Variants in SGSM3 observed in about 807,000 individuals in gnomAD.
The protein encoded by SGSM3 is small G protein signaling modulator 3.
SGSM3 carries 96 observed loss-of-function variants against 100.5 expected under a neutral mutation model. That is an observed-to-expected ratio of 0.96 (90% CI 0.81 to 1.13). The LOEUF (loss-of-function observed/expected upper bound fraction) is 1.13, where lower values mean the gene tolerates loss of function less well. Among genes scored for constraint, SGSM3 ranks in the 50% most tolerant of loss-of-function variants. The probability of loss-of-function intolerance (pLI) is 0.00; values close to 1 mark genes in which losing one functional copy is unlikely to be tolerated. For synonymous variants in SGSM3, 483 were observed against 422.8 expected (o/e 1.14, Z -1.75); for missense variants, 1,001 against 1,015.8 (o/e 0.99, Z 0.20).
intron 1 of SGSM3, among the ~76,000 whole-genome samples, chr22:40,386,630 C>T (rs2048509111): frequency 7.0e-6 from 1 of 141,996 alleles, no homozygotes. Context: ...CTATGTTGCC[C>T]AGGCTGGTCT....
chr22:40,373,790 A>G (rs1314187800), intron 1 of SGSM3, among the ~76,000 whole-genome samples: 3 of 150,374 alleles, frequency 2.0e-5, no homozygotes, highest in Non-Finnish European at 3.0e-5. Context: ...TAATTTTTGT[A>G]TTTTTAGTAG....
rs755106457 is a variant in SGSM3, at chr22:40,407,095, C to A, written c.1240+24C>A. On this transcript the variant is annotated intron_variant, in intron 11 of 21. Coordinates refer to ENST00000248929, the MANE Select transcript of SGSM3 (RefSeq NM_015705.6). The surrounding 1 kb of genome is among the most constrained non-coding windows in gnomAD (Gnocchi z 4.7). ...CGGTGAGAGCTCTGCGAGTGCCAGG[C>A]AGTGTGGGCATGCGGGAGTCTGTCC... is the stretch of plus-strand genomic sequence containing the variant. 7 of 1,603,990 alleles carry A rather than the reference C, an allele frequency of 4.4e-6. No individual in the cohort carries two copies. Among genetic ancestry groups the A allele is most frequent in the Non-Finnish European group, 6.0e-6 (7 of 1,175,528 alleles).
intron 1 of SGSM3, among the ~76,000 whole-genome samples, chr22:40,399,533 G>T (rs73885701): frequency 0.011 from 1,735 of 152,304 alleles, 30 homozygotes; most frequent in African/African-American, 0.04. Context: ...GAAACTATCA[G>T]TCTCTCCTAG....
chr22:40,400,749 G>A lies in SGSM3; in HGVS notation c.-58G>A. 6.5e-7 allele frequency: 1 copy of A among 1,543,994 alleles called. No homozygotes were observed. The highest frequency in any genetic ancestry group is 8.8e-7 in the Non-Finnish European group (1 of 1,140,182). On this transcript the variant is annotated 5_prime_UTR_variant, in exon 2 of 22. Coordinates refer to ENST00000248929, the MANE Select transcript of SGSM3 (RefSeq NM_015705.6). Reference sequence around the variant, plus strand: ...TGAGGAGCCTTCCAGCTCTAAGATAGCAGGATAGGAGACTTCTAAGATTGG... The same window carrying A: ...TGAGGAGCCTTCCAGCTCTAAGATAACAGGATAGGAGACTTCTAAGATTGG...
chr22:40,408,039 G>A, intron 14 of SGSM3, 32 bp from the exon 15 acceptor site: 2 of 1,610,180 alleles, frequency 1.2e-6, no homozygotes, highest in Non-Finnish European at 1.7e-6. Context: ...GGCCCTCGTG[G>A]TTGCTCCTTA....
rs760574341 is a variant in SGSM3, at chr22:40,408,644, CGA to C, written c.1807_1808del (p.Asp603LeufsTer12). On this transcript the variant is annotated frameshift_variant, in exon 17 of 22. Coordinates refer to ENST00000248929, the MANE Select transcript of SGSM3 (RefSeq NM_015705.6). LOFTEE classifies it high-confidence loss of function. The stretch of plus-strand genomic sequence containing the variant: ...CCCCACAGGCTGCAGGCCGGGAGGT[CGA>C]GAGAGACTTTGCCTCCGTGTATTCC... ...FIEEAAGREV[E>X]RDFASVYSRL... 5.0e-6 allele frequency: 8 copies of C among 1,613,974 alleles called. No homozygotes were observed. Among genetic ancestry groups the C allele is most frequent in the East Asian group, 2.2e-5 (1 of 44,874 alleles).
intron 5 of SGSM3, 33 bp from the exon 6 acceptor site, chr22:40,404,524 A>G: frequency 6.2e-7 from 1 of 1,611,476 alleles, no homozygotes; most frequent in East Asian, 2.2e-5. Flanking sequence ...GTCACGAGAA[A>G]GACTGAGTGC....
At chr22:40,391,060 A>G (rs1047625591) in intron 1 of SGSM3, among the ~76,000 whole-genome samples, 1 of 152,184 alleles carries the variant, frequency 6.6e-6, no homozygotes, top group Non-Finnish European at 1.5e-5. Flanking sequence ...GGTAGGGGAC[A>G]TGGAAGTTGG....
intron 10 of SGSM3, 84 bp downstream of exon 10, chr22:40,406,746 G>T: frequency 8.2e-7 from 1 of 1,218,848 alleles, no homozygotes. Context: ...CGGGGGCTGC[G>T]GAAAACAAAC....
In SGSM3 at chr22:40,409,517, AAG is replaced by A. The variant is rs1184784279; in HGVS notation, c.2171_2172del (p.Glu724GlyfsTer39). On this transcript the variant is annotated frameshift_variant, in exon 21 of 22. Transcript: ENST00000248929. LOFTEE classifies it high-confidence loss of function. ...CTCCCAGGACTGGGAGCTCCCTGCG[AAG>A]AGAGAGGTGGGTGGTGTGGGCCTCG... ...SLSQDWELPAKREAQQPLKEG... is the reference protein window; with the variant it reads ...SLSQDWELPAXREAQQPLKEG... The A allele has an allele frequency of 1.3e-6, 2 of 1,598,482 alleles. No individual in the cohort carries two copies. Among genetic ancestry groups the A allele is most frequent in the East Asian group, 2.2e-5 (1 of 44,622 alleles).
chr22:40,396,065 A>AT (rs549229528), intron 1 of SGSM3, among the ~76,000 whole-genome samples: 4 of 151,906 alleles, frequency 2.6e-5, no homozygotes, highest in Non-Finnish European at 4.4e-5. Flanking sequence ...GTATTCATAT[A>AT]TTTTTTCCTT....
At chr22:40,389,651 T>C (rs1271226420) in intron 1 of SGSM3, among the ~76,000 whole-genome samples, 1 of 145,186 alleles carries the variant, frequency 6.9e-6, no homozygotes, top group Non-Finnish European at 1.5e-5. Context: ...CTCACGCCTG[T>C]AATCCCAGCA....
Position 40,409,856 on chromosome 22 carries a change from G to GGGGCCGC in SGSM3, c.*101_*107dup. On this transcript the variant is annotated 3_prime_UTR_variant, in exon 22 of 22. Transcript: ENST00000248929. ...GAAGAGCAGCTCCAGAGCCCTGGCC[G>GGGGCCGC]GGGCCGCGGGATATCAATATCAGGC... is the stretch of plus-strand genomic sequence containing the variant. 2 of 1,486,960 alleles carry GGGGCCGC rather than the reference G, an allele frequency of 1.3e-6. No homozygotes were observed. The highest frequency in any genetic ancestry group is 1.8e-6 in the Non-Finnish European group (2 of 1,125,096). 92.1% of individuals were successfully genotyped at this position (1,486,960 alleles called of 1,614,324 possible).
At chr22:40,392,444 T>C (rs1178426753) in intron 1 of SGSM3, among the ~76,000 whole-genome samples, 1 of 152,134 alleles carries the variant, frequency 6.6e-6, no homozygotes, top group East Asian at 1.9e-4. Context: ...GATAAGCTAT[T>C]TCTAATTGTT....
chr22:40,370,973 C>T (rs529197742), intron 1 of SGSM3, among the ~76,000 whole-genome samples: 1 of 152,352 alleles, frequency 6.6e-6, no homozygotes, highest in South Asian at 2.1e-4. Context: ...GGGGCGCCAG[C>T]CGGAATCCAC....
At chr22:40,374,710 C>T (rs988184631) in intron 1 of SGSM3, among the ~76,000 whole-genome samples, 1 of 152,182 alleles carries the variant, frequency 6.6e-6, no homozygotes, top group African/African-American at 2.4e-5. Context: ...GGCGAAATGC[C>T]ATCTCGACCA....
intron 1 of SGSM3, chr22:40,376,356 A>G (rs566658086): frequency 1.3e-5 from 2 of 151,934 alleles, no homozygotes; most frequent in East Asian, 3.9e-4. Flanking sequence ...TGGCATGATC[A>G]TAGCTCACTG....
intron 1 of SGSM3, among the ~76,000 whole-genome samples, chr22:40,373,708 C>T (rs529784852): frequency 9.2e-5 from 14 of 152,192 alleles, no homozygotes; most frequent in African/African-American, 2.6e-4. Flanking sequence ...CTCTGCCTCC[C>T]GAGTTCAAGC....
chr22:40,409,504 G>C lies in SGSM3; in HGVS notation c.2151G>C (p.Trp717Cys). 1 of 1,595,516 alleles carries C rather than the reference G, an allele frequency of 6.3e-7. No homozygotes were observed. Among genetic ancestry groups the C allele is most frequent in the Non-Finnish European group, 8.5e-7 (1 of 1,170,638 alleles). Reference protein sequence around the residue: ...CCFAFSLSQDWELPAKREAQQ... With the variant: ...CCFAFSLSQDCELPAKREAQQ... Reference sequence around the variant, plus strand: ...TTGCCTTCAGCCTCTCCCAGGACTGGGAGCTCCCTGCGAAGAGAGAGGTGG... The same window carrying C: ...TTGCCTTCAGCCTCTCCCAGGACTGCGAGCTCCCTGCGAAGAGAGAGGTGG... The change falls in exon 21 of 22, where the codon TGG becomes TGC. Residue 717 changes from tryptophan (W) to cysteine (C), a missense_variant. Physicochemically the swap from Trp to Cys is radical, Grantham distance 215. Transcript: ENST00000248929.
Sources: allele counts gnomAD v4.1 joint callset (sites outside exome capture counted in the v4.1 genomes callset), GRCh38; gene constraint gnomAD v4.1.1; non-coding constraint Gnocchi (gnomAD v3.1); transcripts MANE v1.5; gene names NCBI Gene and HGNC (gene_info 2026-07-23, HGNC 2026-07-21).